NTSR1: variants seen among roughly 807,000 people sequenced by gnomAD.
NTSR1 encodes the protein neurotensin receptor 1.
NTSR1 carries 29 observed loss-of-function variants against 31.2 expected under a neutral mutation model. That is an observed-to-expected ratio of 0.93 (90% CI 0.69 to 1.27). NTSR1 has a LOEUF of 1.27. NTSR1 is among the 50% of genes most tolerant of loss of function. The probability of loss-of-function intolerance (pLI) is 0.00; values close to 1 mark genes in which losing one functional copy is unlikely to be tolerated. For missense variants in NTSR1, 697 were observed against 595.4 expected, an observed-to-expected ratio of 1.17 and a Z score of -1.78; for synonymous variants, 282 against 269.9, an observed-to-expected ratio of 1.04 and a Z score of -0.44.
chr20:62,754,723 C>G lies in NTSR1; in HGVS notation c.753C>G (p.Val251=), dbSNP rs1300761247. 6.2e-7 allele frequency: 1 copy of G among 1,612,898 alleles called. No individual in the cohort carries two copies. The highest frequency in any genetic ancestry group is 8.5e-7 in the Non-Finnish European group (1 of 1,179,792). The change falls in exon 2 of 4, where the codon GTC becomes GTG. Residue 251 remains valine (V), a synonymous_variant. Coordinates refer to ENST00000370501, the MANE Select transcript of NTSR1 (RefSeq NM_002531.3). ...TFMSFIFPMV[V]ISVLNTIIAN... Reference sequence around the variant, plus strand: ...TGTCCTTCATATTCCCCATGGTGGTCATCTCGGTCCTGAACACCATCATCG... The same window carrying G: ...TGTCCTTCATATTCCCCATGGTGGTGATCTCGGTCCTGAACACCATCATCG...
chr20:62,752,521 C>A (rs866767546), intron 1 of NTSR1, among the ~76,000 whole-genome samples: 3 of 152,210 alleles, frequency 2.0e-5, no homozygotes, highest in African/African-American at 7.2e-5. Context: ...CGTGGCCCTG[C>A]GGCAGACTCT....
chr20:62,750,876 T>C (rs1398662929), intron 1 of NTSR1, among the ~76,000 whole-genome samples: 1 of 151,916 alleles, frequency 6.6e-6, no homozygotes, highest in Admixed American at 6.6e-5. Context: ...ACACAGTCAA[T>C]AGATACAAAT....
Position 62,732,180 on chromosome 20 carries a change from C to T in NTSR1, c.714+22259C>T, listed in dbSNP as rs972216902. ...GGGGCTTTATAGCAAGTGTTGAAAT[C>T]GGTAGTGTCCATCCTGTGAACTCAC... On this transcript the variant is annotated intron_variant, in intron 1 of 3. Coordinates refer to ENST00000370501, the MANE Select transcript of NTSR1 (RefSeq NM_002531.3). The surrounding 1 kb of genome is among the most constrained non-coding windows in gnomAD (Gnocchi z 4.0). Among the ~76,000 whole-genome samples, 3 of 151,754 alleles carry T rather than the reference C, an allele frequency of 2.0e-5. No homozygotes were observed. Among genetic ancestry groups the T allele is most frequent in the Non-Finnish European group, 4.4e-5 (3 of 67,996 alleles).
rs933660463 is a variant in NTSR1, at chr20:62,761,130, G to C, written c.*863G>C. On this transcript the variant is annotated 3_prime_UTR_variant, in exon 4 of 4. Coordinates refer to ENST00000370501, the MANE Select transcript of NTSR1 (RefSeq NM_002531.3). ...ATCAGGGGCCTGGTCTCCAGCACCT[G>C]CCCGAGTGGCCGTGGCCAGGATGGG... The C allele has an allele frequency of 6.6e-6, 1 of 152,328 alleles. No individual in the cohort carries two copies. Among genetic ancestry groups the C allele is most frequent in the Non-Finnish European group, 1.5e-5 (1 of 68,124 alleles). The allele number at this position is 152,328 out of a possible 1,614,324, so 9.4% of individuals were successfully genotyped here.
chr20:62,709,534 G>C lies in NTSR1; in HGVS notation c.327G>C (p.Ala109=), dbSNP rs377650417. 1.2e-6 allele frequency: 2 copies of C among 1,612,220 alleles called. No individual in the cohort carries two copies. The highest frequency in any genetic ancestry group is 1.7e-6 in the Non-Finnish European group (2 of 1,179,836). The change falls in exon 1 of 4, where the codon GCG becomes GCC. Residue 109 remains alanine, a synonymous_variant. Coordinates refer to ENST00000370501, the MANE Select transcript of NTSR1 (RefSeq NM_002531.3). ...STVHYHLGSL[A]LSDLLTLLLA... is the part of the protein sequence containing the mutation. ...TGCATTACCACCTGGGCAGCCTGGC[G>C]CTGTCCGACCTGCTCACCCTGCTGC...
rs191341558 is a variant in NTSR1, at chr20:62,759,609, C to T, written c.1008-409C>T. On this transcript the variant is annotated intron_variant, in intron 3 of 3. Transcript: ENST00000370501. ...CTAACACGGTGAAACCCCGTCTCTA[C>T]CAAAAATACAAAAAATTAGCCGGGC... Among the ~76,000 whole-genome samples the T allele has an allele frequency of 9.9e-5, 15 of 152,168 alleles. No individual in the cohort carries two copies. The East Asian group carries it at 2.9e-3, about 29-fold the overall frequency.
rs947544806 is a variant in NTSR1, at chr20:62,733,975, G to C, written c.715-20710G>C. Among the ~76,000 whole-genome samples the C allele has an allele frequency of 2.6e-5, 4 of 152,194 alleles. No homozygotes were observed. Among genetic ancestry groups the C allele is most frequent in the African/African-American group, 9.7e-5 (4 of 41,448 alleles). The stretch of plus-strand genomic sequence containing the variant: ...GTCGCATTTTAAATGATGGTTTTGG[G>C]TGCTGAGCCAGCCCAGCTTGGAGGG... On this transcript the variant is annotated intron_variant, in intron 1 of 3. Transcript: ENST00000370501. The surrounding 1 kb of genome is among the most constrained non-coding windows in gnomAD (Gnocchi z 5.2).
Position 62,762,093 on chromosome 20 carries a change from A to G in NTSR1, c.*1826A>G, listed in dbSNP as rs2427442. 0.88 allele frequency: 133,787 copies of G among 152,294 alleles called. 59,355 individuals are homozygous for G. Among genetic ancestry groups the G allele is most frequent in the East Asian group, 0.98 (5,080 of 5,174 alleles). 9.4% of individuals were successfully genotyped at this position (152,294 alleles called of 1,614,324 possible). On this transcript the variant is annotated 3_prime_UTR_variant, in exon 4 of 4. Transcript: ENST00000370501. Reference sequence around the variant, plus strand: ...TGCCAGCCAGGGATGTCCAGAGGTCAGTGCAGCCCCTACCCCTGCTCAGGA... The same window carrying G: ...TGCCAGCCAGGGATGTCCAGAGGTCGGTGCAGCCCCTACCCCTGCTCAGGA...
rs1300729221 is a variant in NTSR1, at chr20:62,741,103, A to G, written c.715-13582A>G. On this transcript the variant is annotated intron_variant, in intron 1 of 3. Transcript: ENST00000370501. This position sits in a 1 kb window ranked among gnomAD's most constrained non-coding sequence, Gnocchi z 4.3. ...TGGAGGGCACCTGCCCAGCACAGGT[A>G]GAGGAGGCAAGGGTGTCAGGAAGGC... Among the ~76,000 whole-genome samples the G allele has an allele frequency of 6.6e-6, 1 of 152,130 alleles. No individual in the cohort carries two copies. The highest frequency in any genetic ancestry group is 2.4e-5 in the African/African-American group (1 of 41,458).
At position 62,709,799 on chromosome 20, in the gene NTSR1, C is replaced by T; in HGVS notation, c.592C>T (p.Leu198=). The T allele has an allele frequency of 6.2e-7, 1 of 1,612,896 alleles. No homozygotes were observed. The highest frequency in any genetic ancestry group is 1.1e-5 in the South Asian group (1 of 91,084). Residue 198 remains leucine (L), a synonymous_variant, in exon 1 of 4, where the codon CTG becomes TTG. Coordinates refer to ENST00000370501, the MANE Select transcript of NTSR1 (RefSeq NM_002531.3). ...FISAIWLASA[L]LAVPMLFTMG... ...CAGCGCCATCTGGCTCGCCTCGGCCCTGCTGGCGGTGCCTATGCTGTTCAC... is the reference window on the plus strand; with the variant it reads ...CAGCGCCATCTGGCTCGCCTCGGCCTTGCTGGCGGTGCCTATGCTGTTCAC...
At chr20:62,729,646 T>A (rs1600724445) in intron 1 of NTSR1, among the ~76,000 whole-genome samples, 1 of 108,990 alleles carries the variant, frequency 9.2e-6, no homozygotes, top group African/African-American at 3.2e-5. Context: ...TTTTTTTTTT[T>A]TTGAGATGGA....
intron 1 of NTSR1, among the ~76,000 whole-genome samples, chr20:62,752,202 C>T (rs1600734672): frequency 6.6e-6 from 1 of 152,372 alleles, no homozygotes; most frequent in African/African-American, 2.4e-5. Context: ...CCCCTCACCT[C>T]CCCTCACCCC....
rs1272935155 is a variant in NTSR1 at position 62,757,514 on chromosome 20, T to G, written c.917-752T>G. 2.0e-5 allele frequency among the ~76,000 whole-genome samples: 3 copies of G among 152,354 alleles called. No individual in the cohort carries two copies. In the East Asian group the frequency reaches 5.8e-4, roughly 29 times the overall value. On this transcript the variant is annotated intron_variant, in intron 2 of 3. Transcript: ENST00000370501. ...CAACTTTATTTTCTTACAAGATTGTTTTGGCTGTCCGGGATCCTTTGAGAT... is the reference window on the plus strand; with the variant it reads ...CAACTTTATTTTCTTACAAGATTGTGTTGGCTGTCCGGGATCCTTTGAGAT...
Position 62,711,184 on chromosome 20 carries a change from G to C in NTSR1, c.714+1263G>C, listed in dbSNP as rs1053546156. ...GTAGAACTGAGCTCCCAGTCTCCCT[G>C]GCTGCACATAGAACTGGTGGCTACA... On this transcript the variant is annotated intron_variant, in intron 1 of 3. Transcript: ENST00000370501. This position sits in a 1 kb window ranked among gnomAD's most constrained non-coding sequence, Gnocchi z 6.4. Among the ~76,000 whole-genome samples, 156 of 152,116 alleles carry C rather than the reference G, an allele frequency of 1.0e-3. No individual in the cohort carries two copies. Among genetic ancestry groups the C allele is most frequent in the Non-Finnish European group, 1.5e-4 (10 of 67,992 alleles).
chr20:62,762,557 T>C lies in NTSR1; in HGVS notation c.*2290T>C, dbSNP rs1269356575. On this transcript the variant is annotated 3_prime_UTR_variant, in exon 4 of 4. Coordinates refer to ENST00000370501, the MANE Select transcript of NTSR1 (RefSeq NM_002531.3). ...CACACCCACGACACCTGATCTCGTATCACTAGCTTGCGGCCAGGTCATGAT... is the reference window on the plus strand; with the variant it reads ...CACACCCACGACACCTGATCTCGTACCACTAGCTTGCGGCCAGGTCATGAT... The C allele has an allele frequency of 4.6e-5, 7 of 152,064 alleles. No homozygotes were observed. The highest frequency in any genetic ancestry group is 1.7e-4 in the African/African-American group (7 of 41,386). 9.4% of individuals were successfully genotyped at this position (152,064 alleles called of 1,614,324 possible). A position where few individuals can be genotyped will look rare whatever the true frequency, so the allele number is the denominator to read the frequency against.
chr20:62,751,296 T>C lies in NTSR1; in HGVS notation c.715-3389T>C, dbSNP rs554616529. Among the ~76,000 whole-genome samples the C allele has an allele frequency of 2.0e-5, 3 of 152,296 alleles. No individual in the cohort carries two copies. In the East Asian group the frequency reaches 5.8e-4, roughly 29 times the overall value. ...CTTATAGTAATGTTACGGTTTTTGG[T>C]TTTAGGTTTTAATCTTCTTACCATG... On this transcript the variant is annotated intron_variant, in intron 1 of 3. Coordinates refer to ENST00000370501, the MANE Select transcript of NTSR1 (RefSeq NM_002531.3).
rs909941754 is a variant in NTSR1 at position 62,744,278 on chromosome 20, G to A, written c.715-10407G>A. On this transcript the variant is annotated intron_variant, in intron 1 of 3. Coordinates refer to ENST00000370501, the MANE Select transcript of NTSR1 (RefSeq NM_002531.3). The surrounding 1 kb of genome is among the most constrained non-coding windows in gnomAD (Gnocchi z 4.1). ...TTTTAGAAATGAGGCTGAGGGGCTG[G>A]ACGCAGTGGCTCGTGTTTGTAATCC... Among the ~76,000 whole-genome samples, 20 of 152,330 alleles carry A rather than the reference G, an allele frequency of 1.3e-4. No homozygotes were observed. The highest frequency in any genetic ancestry group is 4.8e-4 in the African/African-American group (20 of 41,574).
rs1030372311 is a variant in NTSR1 at position 62,711,143 on chromosome 20, TG to T, written c.714+1228del. Among the ~76,000 whole-genome samples, 1 of 152,044 alleles carries T rather than the reference TG, an allele frequency of 6.6e-6. No individual in the cohort carries two copies. The highest frequency in any genetic ancestry group is 2.4e-5 in the African/African-American group (1 of 41,412). ...TCCACTGGCCACCACCCAGGTGGGC[TG>T]GGGGGTGGAGGAGGGTAGAACTGAG... is the stretch of plus-strand genomic sequence containing the variant. On this transcript the variant is annotated intron_variant, in intron 1 of 3. Transcript: ENST00000370501. The surrounding 1 kb of genome is among the most constrained non-coding windows in gnomAD (Gnocchi z 6.4).
intron 1 of NTSR1, among the ~76,000 whole-genome samples, chr20:62,724,245 T>C (rs6062965): frequency 0.91 from 138,370 of 151,938 alleles, 63,204 homozygotes; most frequent in East Asian, 1. Flanking sequence ...AGCAGAGCCC[T>C]GGGACAGTGG....
Sources: gnomAD v4.1 joint callset for allele counts (sites outside exome capture counted in the v4.1 genomes callset) on GRCh38, gnomAD v4.1.1 for gene constraint, Gnocchi (gnomAD v3.1) non-coding constraint, MANE v1.5 for transcripts, NCBI Gene and HGNC (gene_info 2026-07-23, HGNC 2026-07-21) for gene names.